FIRRM: variants seen among roughly 807,000 people sequenced by gnomAD.
FIRRM encodes the protein FIGNL1-interacting regulator of recombination and mitosis.
chr1:169,849,797 G>C, the FIRRM span: 1 of 572,308 alleles, frequency 1.7e-6, no homozygotes, highest in Non-Finnish European at 3.1e-6. Flanking sequence ...AATTTCGTAA[G>C]GTCCTCTGAA....
At chr1:169,809,362 A>G in the FIRRM span, among the ~76,000 whole-genome samples, 3 of 152,142 alleles carry the variant, frequency 2.0e-5, no homozygotes, top group Non-Finnish European at 4.4e-5. Context: ...TATCAATGGC[A>G]GGAAGGTTGT....
the FIRRM span, chr1:169,795,653 T>TG: frequency 2.0e-6 from 2 of 990,886 alleles, no homozygotes; most frequent in African/African-American, 3.5e-5. Context: ...GTAAAAAGGG[T>TG]GGTGAATATG....
chr1:169,831,350 T>C, the FIRRM span, among the ~76,000 whole-genome samples: 3 of 152,234 alleles, frequency 2.0e-5, no homozygotes, highest in South Asian at 2.1e-4. Flanking sequence ...CATATTTTTT[T>C]CCCTGGCCTT....
chr1:169,821,635 C>A, the FIRRM span: 17 of 1,380,796 alleles, frequency 1.2e-5, no homozygotes, highest in South Asian at 1.9e-4. Context: ...ATTTTATATT[C>A]TTTTCTTATT....
At chr1:169,849,921 G>A in the FIRRM span, 1 of 462,098 alleles carries the variant, frequency 2.2e-6, no homozygotes, top group Non-Finnish European at 3.9e-6. Context: ...TTCATTTTGT[G>A]CTATCAGTCA....
chr1:169,835,497 T>C, the FIRRM span, among the ~76,000 whole-genome samples: 1 of 152,204 alleles, frequency 6.6e-6, no homozygotes, highest in Non-Finnish European at 1.5e-5. Context: ...TAAAAATTAC[T>C]GTATTTGCAT....
At chr1:169,800,890 G>C in the FIRRM span, 3 of 1,556,634 alleles carry the variant, frequency 1.9e-6, no homozygotes, top group Non-Finnish European at 2.6e-6. Flanking sequence ...CAGAAATTTT[G>C]AAAATTATTG....
chr1:169,792,178 A>C, the FIRRM span, among the ~76,000 whole-genome samples: 8 of 152,374 alleles, frequency 5.3e-5, no homozygotes, highest in Non-Finnish European at 7.3e-5. Context: ...TATTTACATA[A>C]GGCCCCAACC....
chr1:169,842,541 T>C, the FIRRM span: 331 of 1,613,006 alleles, frequency 2.1e-4, no homozygotes, highest in Non-Finnish European at 2.8e-4. Context: ...ATTAAACAGG[T>C]AAGGAAAGCA....
the FIRRM span, chr1:169,823,260 A>G: frequency 4.1e-6 from 2 of 486,696 alleles, no homozygotes; most frequent in South Asian, 6.6e-5. Context: ...CAAAAAAAAA[A>G]AAAGAAAAGA....
At chr1:169,850,290 C>T in the FIRRM span, 1 of 1,612,064 alleles carries the variant, frequency 6.2e-7, no homozygotes, top group Non-Finnish European at 8.5e-7. Flanking sequence ...GAGATAGTTC[C>T]ACAGTGTCTC....
chr1:169,804,609 A>G, the FIRRM span, among the ~76,000 whole-genome samples: 9 of 152,364 alleles, frequency 5.9e-5, no homozygotes, highest in African/African-American at 1.9e-4. Flanking sequence ...GTATGTAAAT[A>G]TGTCTATTCT....
At chr1:169,824,463 C>T in the FIRRM span, among the ~76,000 whole-genome samples, 2 of 152,156 alleles carry the variant, frequency 1.3e-5, no homozygotes, top group South Asian at 2.1e-4. Context: ...CTTGACTCTA[C>T]GTCCTCCTAC....
the FIRRM span, among the ~76,000 whole-genome samples, chr1:169,849,161 A>G: frequency 6.6e-6 from 1 of 152,232 alleles, no homozygotes; most frequent in Non-Finnish European, 1.5e-5. Context: ...ATATATAGTT[A>G]GTGAAGTCCT....
chr1:169,852,527 T>G, the FIRRM span: 1 of 470,598 alleles, frequency 2.1e-6, no homozygotes. Flanking sequence ...GCACTTCTCA[T>G]TGGGAGCCCT....
the FIRRM span, chr1:169,842,401 T>C: frequency 6.2e-7 from 1 of 1,607,544 alleles, no homozygotes; most frequent in East Asian, 2.2e-5. Flanking sequence ...AGTCCTTTCC[T>C]GTTTCTGTCC....
the FIRRM span, among the ~76,000 whole-genome samples, chr1:169,823,730 AAT>A: frequency 6.6e-6 from 1 of 151,222 alleles, no homozygotes; most frequent in African/African-American, 2.4e-5. Context: ...GGCAAATATA[AAT>A]ATATATATAC....
At chr1:169,800,796 G>A in the FIRRM span, 2 of 477,644 alleles carry the variant, frequency 4.2e-6, no homozygotes, top group African/African-American at 2.1e-5. Flanking sequence ...GCTTTAGATT[G>A]GTAGTATTCT....
the FIRRM span, chr1:169,843,666 T>A: frequency 6.3e-7 from 1 of 1,596,700 alleles, no homozygotes; most frequent in Non-Finnish European, 8.6e-7. Context: ...TTACTTTGTG[T>A]TTCTTAGGTA....
Sources: gnomAD v4.1 joint callset for allele counts (sites outside exome capture counted in the v4.1 genomes callset) on GRCh38, gnomAD v4.1.1 for gene constraint, MANE v1.5 for transcripts, NCBI Gene and HGNC (gene_info 2026-07-23, HGNC 2026-07-21) for gene names.